The following DCAF8 variants were observed in gnomAD, a reference collection of about 807,000 sequenced individuals.
The protein encoded by DCAF8 is DDB1 and CUL4 associated factor 8.
Under a neutral mutation model 68.0 loss-of-function variants are expected in DCAF8, and 20 were observed. That is an observed-to-expected ratio of 0.29 (90% CI 0.21 to 0.43). The LOEUF (loss-of-function observed/expected upper bound fraction) is 0.43, where lower values mean the gene tolerates loss of function less well. Among genes scored for constraint, DCAF8 ranks in the 20% least tolerant of loss-of-function variants. DCAF8 has a pLI of 1.00. For missense variants in DCAF8, 460 were observed against 771.0 expected, an observed-to-expected ratio of 0.60 and a Z score of 4.78; for synonymous variants, 230 against 276.9, an observed-to-expected ratio of 0.83 and a Z score of 1.68.
intron 4 of DCAF8, chr1:160,239,153 A>C (rs968937169): frequency 9.5e-7 from 1 of 1,054,356 alleles, no homozygotes; most frequent in African/African-American, 1.7e-5. Context: ...CCTTAGGATA[A>C]ATGGCTGGTA....
intron 6 of DCAF8, among the ~76,000 whole-genome samples, chr1:160,233,128 GACA>G (rs1273770009): frequency 6.6e-6 from 1 of 152,198 alleles, no homozygotes; most frequent in Admixed American, 6.5e-5. Context: ...ATATAACCAT[GACA>G]ACAAGTTTCT....
intron 11 of DCAF8, 128 bp from the exon 12 acceptor site, chr1:160,219,096 C>T: frequency 1.1e-5 from 15 of 1,355,236 alleles, no homozygotes; most frequent in Non-Finnish European, 1.5e-5. Context: ...AAGGGAGGCC[C>T]ACCCATCCTG....
intron 3 of DCAF8, among the ~76,000 whole-genome samples, chr1:160,241,367 GTCTC>G (rs1475286109): frequency 2.0e-5 from 3 of 152,178 alleles, no homozygotes; most frequent in East Asian, 3.9e-4. Context: ...CACATTTTTA[GTCTC>G]TCTATTGAGA....
At chr1:160,235,740 A>G (rs567308128) in intron 6 of DCAF8, among the ~76,000 whole-genome samples, 2 of 144,850 alleles carry the variant, frequency 1.4e-5, no homozygotes, top group Non-Finnish European at 3.0e-5. Context: ...ACTTACAATG[A>G]TTTTTTTTTT....
At chr1:160,236,483 G>A (rs1655901483) in intron 6 of DCAF8, among the ~76,000 whole-genome samples, 1 of 151,948 alleles carries the variant, frequency 6.6e-6, no homozygotes, top group South Asian at 2.1e-4. Flanking sequence ...CTACTAGAGA[G>A]GGAAGGACGG....
chr1:160,234,526 G>A lies in DCAF8; in HGVS notation c.959+2609C>T, dbSNP rs542365159. 2.4e-4 allele frequency among the ~76,000 whole-genome samples: 37 copies of A among 152,138 alleles called. No individual in the cohort carries two copies. The South Asian group carries it at 4.8e-3, about 20-fold the overall frequency. On this transcript the variant is annotated intron_variant, in intron 6 of 13. Transcript: ENST00000368074. ...ATTCAATAATCTGCCAAAGTCATTC[G>A]CTCTATTCATTACTTGCACCAGATT... is the stretch of plus-strand genomic sequence containing the variant.
intron 5 of DCAF8, among the ~76,000 whole-genome samples, chr1:160,237,711 T>G (rs78205822): frequency 0.014 from 2,119 of 152,100 alleles, 57 homozygotes; most frequent in African/African-American, 0.048. Flanking sequence ...GCTTTTTTTT[T>G]GTTTGTTTTC....
intron 6 of DCAF8, among the ~76,000 whole-genome samples, chr1:160,234,221 CAA>C (rs1328480205): frequency 1.5e-5 from 2 of 131,956 alleles, no homozygotes; most frequent in African/African-American, 3.0e-5. Flanking sequence ...CCAGCCTGAG[CAA>C]AAGAGTGAGA....
In DCAF8 at chr1:160,239,694, C is replaced by T. The variant is rs1160844228; in HGVS notation, c.723+3G>A. The T allele has an allele frequency of 3.7e-6, 6 of 1,614,132 alleles. No homozygotes were observed. In the African/African-American group the frequency reaches 8.0e-5, roughly 22 times the overall value. ...CAGTTGCTATTATGCTCCCTTGCCT[C>T]ACCTGGAACACATTACTTTTGTGGC... On this transcript the variant is annotated splice_donor_region_variant and intron_variant, in intron 4 of 13. Transcript: ENST00000368074.
intron 2 of DCAF8, among the ~76,000 whole-genome samples, chr1:160,250,634 A>G (rs1037390502): frequency 5.9e-5 from 9 of 152,162 alleles, no homozygotes; most frequent in African/African-American, 2.2e-4. Flanking sequence ...TAATGTCCAG[A>G]CTTCTCACTT....
intron 6 of DCAF8, among the ~76,000 whole-genome samples, chr1:160,232,766 C>T (rs891282782): frequency 6.6e-6 from 1 of 152,064 alleles, no homozygotes; most frequent in Non-Finnish European, 1.5e-5. Context: ...TGCAGTGAGC[C>T]GTGGTCTTGC....
At chr1:160,231,029 C>T (rs1472712984) in intron 7 of DCAF8, among the ~76,000 whole-genome samples, 1 of 152,112 alleles carries the variant, frequency 6.6e-6, no homozygotes, top group African/African-American at 2.4e-5. Context: ...GTCGAGATTA[C>T]AGGTGTGAGC....
chr1:160,222,892 C>T (rs1056061665), intron 10 of DCAF8, 111 bp from the exon 11 acceptor site: 5 of 1,420,362 alleles, frequency 3.5e-6, no homozygotes, highest in African/African-American at 1.4e-5. Context: ...CTAGATTATG[C>T]ATGTTTAACA....
Position 160,224,554 on chromosome 1 carries a change from C to A in DCAF8, c.1202-5G>T. The A allele has an allele frequency of 1.9e-6, 3 of 1,606,898 alleles. No homozygotes were observed. The highest frequency in any genetic ancestry group is 2.6e-6 in the Non-Finnish European group (3 of 1,173,550). ...CATTGTAACTGGCCAGGAGCTCTGCCAAGAACAAGAACATAGCAGTGAAGG... is the reference window on the plus strand; with the variant it reads ...CATTGTAACTGGCCAGGAGCTCTGCAAAGAACAAGAACATAGCAGTGAAGG... On this transcript the variant is annotated splice_region_variant and splice_polypyrimidine_tract_variant and intron_variant, in intron 9 of 13. Transcript: ENST00000368074.
chr1:160,254,378 C>T (rs1656737161), intron 2 of DCAF8, among the ~76,000 whole-genome samples: 2 of 151,898 alleles, frequency 1.3e-5, no homozygotes, highest in South Asian at 4.1e-4. Context: ...TATAGCATAA[C>T]TATGTCTAAA....
At chr1:160,254,422 G>C (rs1656739373) in intron 2 of DCAF8, among the ~76,000 whole-genome samples, 1 of 151,764 alleles carries the variant, frequency 6.6e-6, no homozygotes, top group Non-Finnish European at 1.5e-5. Flanking sequence ...ACTGTCATTT[G>C]AATAATTTAT....
intron 2 of DCAF8, among the ~76,000 whole-genome samples, chr1:160,257,558 C>T (rs139274225): frequency 2.0e-5 from 3 of 152,202 alleles, no homozygotes; most frequent in African/African-American, 4.8e-5. Context: ...CAACAGGGTG[C>T]GCTTCTATAC....
At chr1:160,260,782 G>A (rs1380235822) in intron 2 of DCAF8, among the ~76,000 whole-genome samples, 1 of 151,266 alleles carries the variant, frequency 6.6e-6, no homozygotes, top group Non-Finnish European at 1.5e-5. Context: ...GAAATAGACT[G>A]GACTCAGACA....
intron 11 of DCAF8, 113 bp from the exon 12 acceptor site, chr1:160,219,081 TG>T (rs1655214806): frequency 6.8e-7 from 1 of 1,468,808 alleles, no homozygotes; most frequent in Admixed American, 2.2e-5. Flanking sequence ...AGGCAGCTGC[TG>T]GGGAAGGGAG....
Sources: gnomAD v4.1 joint callset for allele counts (sites outside exome capture counted in the v4.1 genomes callset) on GRCh38, gnomAD v4.1.1 for gene constraint, MANE v1.5 for transcripts, NCBI Gene and HGNC (gene_info 2026-07-23, HGNC 2026-07-21) for gene names.